The following ADGB variants were observed in gnomAD, a reference collection of about 807,000 sequenced individuals.
The protein encoded by ADGB is androglobin.
In ADGB, 172 loss-of-function variants were observed where a neutral mutation model predicts 210.5. The observed-to-expected ratio is 0.82, with a 90% CI of 0.72 to 0.93. The LOEUF (loss-of-function observed/expected upper bound fraction) is 0.93. Ranked by LOEUF, ADGB falls within the 40% of genes least tolerant of loss-of-function variation. The pLI, the probability that ADGB is intolerant of heterozygous loss-of-function variation, is 0.00. For synonymous variants in ADGB, 658 were observed against 662.7 expected (o/e 0.99, Z 0.11); for missense variants, 2,025 against 1,964.8 (o/e 1.03, Z -0.58).
intron 2 of ADGB, among the ~76,000 whole-genome samples, chr6:146,641,686 A>T (rs1245236146): frequency 2.0e-5 from 3 of 152,082 alleles, no homozygotes; most frequent in Admixed American, 6.6e-5. Context: ...TGGTGCTGAG[A>T]TAGCTGACTA....
At chr6:146,778,658 G>A (rs1037567887) in intron 29 of ADGB, among the ~76,000 whole-genome samples, 1 of 152,030 alleles carries the variant, frequency 6.6e-6, no homozygotes, top group Non-Finnish European at 1.5e-5. Context: ...TCACTAGCAA[G>A]AGCTGAACTG....
intron 1 of ADGB, among the ~76,000 whole-genome samples, chr6:146,600,087 G>C (rs886771257): frequency 6.6e-6 from 1 of 151,976 alleles, no homozygotes; most frequent in Admixed American, 6.6e-5. Flanking sequence ...TCTTCTCCCA[G>C]ACTCATTCCC....
At chr6:146,745,072 G>A (rs1777209603) in intron 25 of ADGB, among the ~76,000 whole-genome samples, 1 of 152,040 alleles carries the variant, frequency 6.6e-6, no homozygotes, top group South Asian at 2.1e-4. Flanking sequence ...TATGGGGACT[G>A]GAATTCCAGC....
At chr6:146,720,386 C>T (rs1429318736) in intron 16 of ADGB, among the ~76,000 whole-genome samples, 2 of 152,000 alleles carry the variant, frequency 1.3e-5, no homozygotes, top group Non-Finnish European at 2.9e-5. Flanking sequence ...TAATTAGATA[C>T]ATTAATAGTA....
intron 35 of ADGB, among the ~76,000 whole-genome samples, chr6:146,810,022 A>G (rs1328287638): frequency 2.6e-5 from 4 of 152,000 alleles, no homozygotes; most frequent in African/African-American, 9.7e-5. Flanking sequence ...AAGACAATCT[A>G]TAGAATGGGA....
chr6:146,783,093 G>C (rs1403434852), intron 30 of ADGB, among the ~76,000 whole-genome samples: 2 of 152,110 alleles, frequency 1.3e-5, no homozygotes, highest in Admixed American at 1.3e-4. Context: ...CTAAGCAAAA[G>C]AGTGCAAAGT....
In ADGB at chr6:146,729,202, A is replaced by C. The variant is rs117410224; in HGVS notation, c.2520+461A>C. On this transcript the variant is annotated intron_variant, in intron 20 of 35. Coordinates refer to ENST00000397944, the MANE Select transcript of ADGB (RefSeq NM_024694.4). ...GGTGAAGCAAAGAGACTTCCTGGTAACCCCTTCACAAGGCACATATGGACC... is the reference window on the plus strand; with the variant it reads ...GGTGAAGCAAAGAGACTTCCTGGTACCCCCTTCACAAGGCACATATGGACC... Among the ~76,000 whole-genome samples the C allele has an allele frequency of 8.6e-3, 1,314 of 152,170 alleles. 13 individuals are homozygous for C. Among genetic ancestry groups the C allele is most frequent in the Non-Finnish European group, 0.014 (957 of 67,996 alleles).
At chr6:146,747,069 A>G (rs1162788835) in intron 26 of ADGB, among the ~76,000 whole-genome samples, 1 of 152,154 alleles carries the variant, frequency 6.6e-6, no homozygotes, top group Non-Finnish European at 1.5e-5. Context: ...AATTTTATCT[A>G]GTTAATTTCA....
chr6:146,792,700 A>G (rs940737080), intron 33 of ADGB, among the ~76,000 whole-genome samples: 12 of 152,174 alleles, frequency 7.9e-5, no homozygotes, highest in Non-Finnish European at 8.8e-5. Context: ...GAACGGGTAT[A>G]CTTTTGCATA....
At position 146,721,497 on chromosome 6, in the gene ADGB, A is replaced by C; in HGVS notation, c.2087A>C (p.Glu696Ala). Residue 696 changes from glutamate to alanine, a missense_variant, in exon 17 of 36, where the codon GAG becomes GCG. Transcript: ENST00000397944. Reference protein sequence around the residue: ...VCFSALVRWGEYGALTKDSPP... With the variant: ...VCFSALVRWGAYGALTKDSPP... ...TTTTCTGCATTGGTACGCTGGGGGG[A>C]GTATGGAGGTAAGAGGGCTCTGAGA... 15 of 1,542,846 alleles carry C rather than the reference A, an allele frequency of 9.7e-6. No homozygotes were observed. The highest frequency in any genetic ancestry group is 1.3e-5 in the Non-Finnish European group (15 of 1,139,266).
chr6:146,643,008 A>G (rs959733678), intron 2 of ADGB, among the ~76,000 whole-genome samples: 4 of 152,080 alleles, frequency 2.6e-5, no homozygotes, highest in African/African-American at 9.6e-5. Flanking sequence ...AAACTGATCC[A>G]TGAACATCTT....
intron 9 of ADGB, among the ~76,000 whole-genome samples, chr6:146,684,009 C>T (rs987537173): frequency 1.3e-5 from 2 of 152,006 alleles, no homozygotes; most frequent in Non-Finnish European, 2.9e-5. Flanking sequence ...ATAGATCAAC[C>T]TGAACGAGCC....
At chr6:146,625,597 G>C (rs1470454344) in intron 1 of ADGB, among the ~76,000 whole-genome samples, 2 of 151,988 alleles carry the variant, frequency 1.3e-5, no homozygotes, top group Non-Finnish European at 2.9e-5. Context: ...CTTGCTCTGA[G>C]TTCACATGCA....
At chr6:146,656,039 A>G (rs1775775625) in intron 4 of ADGB, among the ~76,000 whole-genome samples, 1 of 152,110 alleles carries the variant, frequency 6.6e-6, no homozygotes, top group Admixed American at 6.5e-5. Flanking sequence ...CCTCACAAAA[A>G]AAAATGTGAA....
At chr6:146,712,506 C>T (rs7752061) in intron 13 of ADGB, among the ~76,000 whole-genome samples, 45,044 of 151,360 alleles carry the variant, frequency 0.3, 9,235 homozygotes, top group African/African-American at 0.59. Context: ...TTTTTTTGTT[C>T]TGTTTTGTTT....
intron 33 of ADGB, among the ~76,000 whole-genome samples, chr6:146,790,968 G>A (rs1418540229): frequency 1.3e-5 from 2 of 152,118 alleles, no homozygotes; most frequent in Admixed American, 1.3e-4. Context: ...TTTTATATAT[G>A]TGTGGGTCAT....
rs540542238 is a variant in ADGB, at chr6:146,773,111, ATCAGAAATGGTGGGGAGGAAAGAT to A, written c.3862+3990_3862+4013del. Among the ~76,000 whole-genome samples, 258 of 152,266 alleles carry A rather than the reference ATCAGAAATGGTGGGGAGGAAAGAT, an allele frequency of 1.7e-3. 1 individual carries two copies. Among genetic ancestry groups the A allele is most frequent in the East Asian group, 0.017 (87 of 5,168 alleles). On this transcript the variant is annotated intron_variant, in intron 29 of 35. Coordinates refer to ENST00000397944, the MANE Select transcript of ADGB (RefSeq NM_024694.4). ...CAAGGCCATTCCCATTTCCTTCCAC[ATCAGAAATGGTGGGGAGGAAAGAT>A]TCAGAAATGTTTCCTCTCACTTTAG...
intron 7 of ADGB, among the ~76,000 whole-genome samples, chr6:146,669,256 T>TA (rs376610732): frequency 6.6e-6 from 1 of 152,156 alleles, no homozygotes; most frequent in African/African-American, 2.4e-5. Flanking sequence ...CAGGGATGAA[T>TA]AGGAGGCAGT....
intron 35 of ADGB, among the ~76,000 whole-genome samples, chr6:146,809,309 T>C (rs1207613469): frequency 5.9e-5 from 9 of 152,166 alleles, no homozygotes; most frequent in African/African-American, 2.2e-4. Flanking sequence ...TGAGTTCAAG[T>C]GATTCTCTTG....
Sources: gnomAD v4.1 joint callset for allele counts (sites outside exome capture counted in the v4.1 genomes callset) on GRCh38, gnomAD v4.1.1 for gene constraint, MANE v1.5 for transcripts, NCBI Gene and HGNC (gene_info 2026-07-23, HGNC 2026-07-21) for gene names.